Variants in OR6C4 observed in about 807,000 individuals in gnomAD.
OR6C4 encodes the protein olfactory receptor 6C4.
OR6C4 carries 20 observed loss-of-function variants against 15.1 expected under a neutral mutation model. The observed-to-expected ratio is 1.32, with a 90% CI of 0.93 to 1.92. The LOEUF (loss-of-function observed/expected upper bound fraction) is 1.92. Ranked by LOEUF, OR6C4 falls within the 30% of genes most tolerant of loss-of-function variation. The probability of loss-of-function intolerance (pLI) is 0.00; values close to 1 mark genes in which losing one functional copy is unlikely to be tolerated. For synonymous variants in OR6C4, 179 were observed against 134.2 expected (o/e 1.33, Z -2.31); for missense variants, 491 against 363.2 (o/e 1.35, Z -2.86).
rs764047230 is a variant in OR6C4 at position 55,551,778 on chromosome 12, G to T, written c.552G>T (p.Glu184Asp). ...ACTGTGACTATGGGCCTCTCGTGGA[G>T]CTTGCCTGCTCAGACACAAGCCTCT... ...HYYCDYGPLV[E>D]LACSDTSLLE... Residue 184 changes from glutamate to aspartate, a missense_variant, in exon 2 of 2, where the codon GAG becomes GAT. Coordinates refer to ENST00000641569, the MANE Select transcript of OR6C4 (RefSeq NM_001005494.2). 3.1e-6 allele frequency: 5 copies of T among 1,612,658 alleles called. No homozygotes were observed. The highest frequency in any genetic ancestry group is 4.2e-6 in the Non-Finnish European group (5 of 1,179,940).
rs1873963152 is a variant in OR6C4, at chr12:55,554,458, A to C, written c.*2302A>C. The stretch of plus-strand genomic sequence containing the variant: ...CATATTCTTCTAAAGCTGTTCATCT[A>C]GTCTGGCTGTATGTTAATTCATACT... On this transcript the variant is annotated 3_prime_UTR_variant, in exon 2 of 2. Transcript: ENST00000641569. The C allele has an allele frequency of 6.6e-6, 1 of 152,168 alleles. No individual in the cohort carries two copies. The highest frequency in any genetic ancestry group is 6.5e-5 in the Admixed American group (1 of 15,276). 9.4% of individuals were successfully genotyped at this position (152,168 alleles called of 1,614,324 possible). A position where few individuals can be genotyped will look rare whatever the true frequency, so the allele number is the denominator to read the frequency against.
In OR6C4 at chr12:55,552,799, G is replaced by A. The variant is rs1055760359; in HGVS notation, c.*643G>A. On this transcript the variant is annotated 3_prime_UTR_variant, in exon 2 of 2. Transcript: ENST00000641569. ...TGAGGAGAAAATTTTTAAGATTTTT[G>A]TCAACTTAATATGTCCATTTTCTAG... The A allele has an allele frequency of 6.6e-6, 1 of 151,846 alleles. No individual in the cohort carries two copies. Among genetic ancestry groups the A allele is most frequent in the Non-Finnish European group, 1.5e-5 (1 of 67,940 alleles). The allele number at this position is 151,846 out of a possible 1,614,324, so 9.4% of individuals were successfully genotyped here.
At position 55,555,386 on chromosome 12, in the gene OR6C4, A is replaced by T. The variant is rs1873991040; in HGVS notation, c.*3230A>T. The T allele has an allele frequency of 6.6e-6, 1 of 152,206 alleles. No homozygotes were observed. Among genetic ancestry groups the T allele is most frequent in the African/African-American group, 2.4e-5 (1 of 41,460 alleles). 9.4% of individuals were successfully genotyped at this position (152,206 alleles called of 1,614,324 possible). ...CCCACTTACGAGTGAGAACATACTTATAAGTGAGAACATAGTTTTTGGTTT... is the reference window on the plus strand; with the variant it reads ...CCCACTTACGAGTGAGAACATACTTTTAAGTGAGAACATAGTTTTTGGTTT... On this transcript the variant is annotated 3_prime_UTR_variant, in exon 2 of 2. Coordinates refer to ENST00000641569, the MANE Select transcript of OR6C4 (RefSeq NM_001005494.2).
At position 55,549,636 on chromosome 12, in the gene OR6C4, A is replaced by T. The variant is rs1873802862; in HGVS notation, c.-501A>T. On this transcript the variant is annotated 5_prime_UTR_variant, in exon 1 of 2. Transcript: ENST00000641569. ...TCCTCTGCCATCTAAGAACTTCAAC[A>T]TAATCTCTCTTAGAACATAAATTTT... The T allele has an allele frequency of 6.6e-6, 1 of 152,174 alleles. No homozygotes were observed. Among genetic ancestry groups the T allele is most frequent in the Non-Finnish European group, 1.5e-5 (1 of 68,022 alleles). The allele number at this position is 152,174 out of a possible 1,614,324, so 9.4% of individuals were successfully genotyped here.
intron 1 of OR6C4, among the ~76,000 whole-genome samples, chr12:55,550,486 A>G (rs1293868587): frequency 1.3e-5 from 2 of 152,194 alleles, no homozygotes; most frequent in Non-Finnish European, 2.9e-5. Flanking sequence ...AGAAAAATCC[A>G]TTCCGTGATG....
In OR6C4 at chr12:55,552,893, T is replaced by C. The variant is rs2135868571; in HGVS notation, c.*737T>C. 1 of 152,250 alleles carries C rather than the reference T, an allele frequency of 6.6e-6. No homozygotes were observed. Among genetic ancestry groups the C allele is most frequent in the South Asian group, 2.1e-4 (1 of 4,826 alleles). 9.4% of individuals were successfully genotyped at this position (152,250 alleles called of 1,614,324 possible). A position where few individuals can be genotyped will look rare whatever the true frequency, so the allele number is the denominator to read the frequency against. ...TCATTCTCCTAGACAAAATCTATTG[T>C]TTCTTTTCTTAGGTGACATTTTAAG... On this transcript the variant is annotated 3_prime_UTR_variant, in exon 2 of 2. Transcript: ENST00000641569.
rs761759827 is a variant in OR6C4 at position 55,552,904 on chromosome 12, AG to A, written c.*750del. On this transcript the variant is annotated 3_prime_UTR_variant, in exon 2 of 2. Coordinates refer to ENST00000641569, the MANE Select transcript of OR6C4 (RefSeq NM_001005494.2). ...GACAAAATCTATTGTTTCTTTTCTT[AG>A]GTGACATTTTAAGTTAATGGCATGA... is the stretch of plus-strand genomic sequence containing the variant. 1.3e-5 allele frequency: 2 copies of A among 152,084 alleles called. No individual in the cohort carries two copies. Among genetic ancestry groups the A allele is most frequent in the Non-Finnish European group, 2.9e-5 (2 of 67,966 alleles). 9.4% of individuals were successfully genotyped at this position (152,084 alleles called of 1,614,324 possible). A position where few individuals can be genotyped will look rare whatever the true frequency, so the allele number is the denominator to read the frequency against.
At position 55,553,569 on chromosome 12, in the gene OR6C4, C is replaced by G. The variant is rs755114694; in HGVS notation, c.*1413C>G. 2 of 152,100 alleles carry G rather than the reference C, an allele frequency of 1.3e-5. No homozygotes were observed. Among genetic ancestry groups the G allele is most frequent in the Non-Finnish European group, 2.9e-5 (2 of 68,016 alleles). The allele number at this position is 152,100 out of a possible 1,614,324, so 9.4% of individuals were successfully genotyped here. ...TATTTTATGTAAAGCTGTTGCTATT[C>G]TGAGTATCTTGTTTTCTTTGGTTGC... On this transcript the variant is annotated 3_prime_UTR_variant, in exon 2 of 2. Transcript: ENST00000641569.
At position 55,554,855 on chromosome 12, in the gene OR6C4, T is replaced by C. The variant is rs1411868179; in HGVS notation, c.*2699T>C. On this transcript the variant is annotated 3_prime_UTR_variant, in exon 2 of 2. Transcript: ENST00000641569. ...AAATAAAATTCAAAACAATAAAATA[T>C]ATTTTTTAATTTTTTTTATTTCAGC... The C allele has an allele frequency of 1.3e-5, 2 of 152,186 alleles. No homozygotes were observed. The highest frequency in any genetic ancestry group is 1.9e-4 in the East Asian group (1 of 5,198). 9.4% of individuals were successfully genotyped at this position (152,186 alleles called of 1,614,324 possible). A position where few individuals can be genotyped will look rare whatever the true frequency, so the allele number is the denominator to read the frequency against.
In OR6C4 at chr12:55,551,878, T is replaced by A. The variant is rs1873880021; in HGVS notation, c.652T>A (p.Tyr218Asn). The A allele has an allele frequency of 6.2e-7, 1 of 1,613,684 alleles. No homozygotes were observed. Among genetic ancestry groups the A allele is most frequent in the African/African-American group, 1.3e-5 (1 of 74,896 alleles). Residue 218 changes from tyrosine (Y) to asparagine (N), a missense_variant, in exon 2 of 2, where the codon TAC (tyrosine) becomes AAC (asparagine). Physicochemically the swap from Tyr to Asn is moderately radical, Grantham distance 143. Transcript: ENST00000641569. Reference sequence around the variant, plus strand: ...GGTGCTGGTGACACTTTCTTACACATACATTATCAGGACTATTCTGAGGAT... The same window carrying A: ...GGTGCTGGTGACACTTTCTTACACAAACATTATCAGGACTATTCTGAGGAT... ...TLVLVTLSYT[Y>N]IIRTILRIPS...
rs746848635 is a variant in OR6C4, at chr12:55,551,663, C to T, written c.437C>T (p.Ser146Phe). 9.9e-6 allele frequency: 16 copies of T among 1,613,804 alleles called. No homozygotes were observed. Among genetic ancestry groups the T allele is most frequent in the Non-Finnish European group, 1.4e-5 (16 of 1,179,900 alleles). ...SRVCIQLVFC[S>F]WLGGFLAILP... ...GTCTGCATACAACTAGTGTTCTGCT[C>T]CTGGTTGGGGGGATTCCTAGCAATC... The change falls in exon 2 of 2, where the codon TCC becomes TTC. Residue 146 changes from serine to phenylalanine, a missense_variant. Ser to Phe is a radical substitution (Grantham distance 155, BLOSUM62 -2). Transcript: ENST00000641569.
rs1873860860 is a variant in OR6C4, at chr12:55,551,542, G to A, written c.316G>A (p.Gly106Arg). 1 of 1,613,820 alleles carries A rather than the reference G, an allele frequency of 6.2e-7. No individual in the cohort carries two copies. Among genetic ancestry groups the A allele is most frequent in the Non-Finnish European group, 8.5e-7 (1 of 1,179,912 alleles). The change falls in exon 2 of 2, where the codon GGA becomes AGA. Residue 106 changes from glycine to arginine, a missense_variant. By Grantham distance (125) the Gly-to-Arg change is moderately radical. Transcript: ENST00000641569. ...TCAGTATTTTTTTGCTATATTTCTTGGAGCTACCGAGTTTTACCTCCTGGC... is the reference window on the plus strand; with the variant it reads ...TCAGTATTTTTTTGCTATATTTCTTAGAGCTACCGAGTTTTACCTCCTGGC... ...LTQYFFAIFLGATEFYLLASM... is the reference protein window; with the variant it reads ...LTQYFFAIFLRATEFYLLASM...
Position 55,555,472 on chromosome 12 carries a change from A to T in OR6C4, c.*3316A>T, listed in dbSNP as rs1433173858. On this transcript the variant is annotated 3_prime_UTR_variant, in exon 2 of 2. Transcript: ENST00000641569. ...TCCAGCTCCATCCAAACTGCTGCAA[A>T]ATACATTCTTTTGTTCCTTTCCAGG... 1 of 152,130 alleles carries T rather than the reference A, an allele frequency of 6.6e-6. No individual in the cohort carries two copies. The highest frequency in any genetic ancestry group is 1.5e-5 in the Non-Finnish European group (1 of 68,028). The allele number at this position is 152,130 out of a possible 1,614,324, so 9.4% of individuals were successfully genotyped here. A position where few individuals can be genotyped will look rare whatever the true frequency, so the allele number is the denominator to read the frequency against.
chr12:55,549,850 C>T lies in OR6C4; in HGVS notation c.-287C>T, dbSNP rs1873810170. 1 of 152,056 alleles carries T rather than the reference C, an allele frequency of 6.6e-6. No individual in the cohort carries two copies. The highest frequency in any genetic ancestry group is 6.6e-5 in the Admixed American group (1 of 15,256). 9.4% of individuals were successfully genotyped at this position (152,056 alleles called of 1,614,324 possible). A position where few individuals can be genotyped will look rare whatever the true frequency, so the allele number is the denominator to read the frequency against. On this transcript the variant is annotated 5_prime_UTR_variant, in exon 1 of 2. Coordinates refer to ENST00000641569, the MANE Select transcript of OR6C4 (RefSeq NM_001005494.2). ...TTAAGTTCCATAAGTTTGGATACTT[C>T]TATTAAGAGAAAGGTAAAATGTGGA... is the stretch of plus-strand genomic sequence containing the variant.
rs1873852519 is a variant in OR6C4, at chr12:55,551,363, T to A, written c.137T>A (p.Leu46His). Residue 46 changes from leucine (L) to histidine (H), a missense_variant, in exon 2 of 2, where the codon CTC (leucine) becomes CAC (histidine). Coordinates refer to ENST00000641569, the MANE Select transcript of OR6C4 (RefSeq NM_001005494.2). ...CTAGGAAATCTGACTATTATCACCC[T>A]CACCTTACTAGACCCCCACCTCCAG... ...SILGNLTIITLTLLDPHLQTP... is the reference protein window; with the variant it reads ...SILGNLTIITHTLLDPHLQTP... The A allele has an allele frequency of 1.2e-6, 2 of 1,613,856 alleles. No individual in the cohort carries two copies. Among genetic ancestry groups the A allele is most frequent in the Non-Finnish European group, 8.5e-7 (1 of 1,179,834 alleles).
chr12:55,551,156 C>A (rs1873842682), intron 1 of OR6C4, 53 bp from the exon 2 acceptor site: 3 of 1,101,808 alleles, frequency 2.7e-6, no homozygotes, highest in Non-Finnish European at 2.7e-6. Context: ...AGCTTTATGT[C>A]TCCTACTCTA....
At position 55,550,003 on chromosome 12, in the gene OR6C4, G is replaced by T. The variant is rs1316155592; in HGVS notation, c.-134G>T. On this transcript the variant is annotated 5_prime_UTR_variant, in exon 1 of 2. Transcript: ENST00000641569. Reference sequence around the variant, plus strand: ...ACTATAGTCATTCAGGTTGTCAAAGGTATGAGCAACATATGTTTTTAAAGT... The same window carrying T: ...ACTATAGTCATTCAGGTTGTCAAAGTTATGAGCAACATATGTTTTTAAAGT... 1.3e-5 allele frequency: 2 copies of T among 152,226 alleles called. No individual in the cohort carries two copies. Among genetic ancestry groups the T allele is most frequent in the Non-Finnish European group, 2.9e-5 (2 of 68,010 alleles). The allele number at this position is 152,226 out of a possible 1,614,324, so 9.4% of individuals were successfully genotyped here. A position where few individuals can be genotyped will look rare whatever the true frequency, so the allele number is the denominator to read the frequency against.
chr12:55,551,723 T>G lies in OR6C4; in HGVS notation c.497T>G (p.Phe166Cys), dbSNP rs1020881551. ...PPIILMTQVD[F>C]CVSNILNHYY... Reference sequence around the variant, plus strand: ...ATCATCCTGATGACCCAGGTAGATTTCTGTGTCTCCAACATTCTGAATCAC... The same window carrying G: ...ATCATCCTGATGACCCAGGTAGATTGCTGTGTCTCCAACATTCTGAATCAC... Residue 166 changes from phenylalanine (F) to cysteine (C), a missense_variant, in exon 2 of 2, where the codon TTC becomes TGC. Coordinates refer to ENST00000641569, the MANE Select transcript of OR6C4 (RefSeq NM_001005494.2). The G allele has an allele frequency of 1.4e-5, 23 of 1,613,928 alleles. No individual in the cohort carries two copies. The East Asian group carries it at 5.1e-4, about 36-fold the overall frequency.
In OR6C4 at chr12:55,553,477, C is replaced by A. The variant is rs1384838542; in HGVS notation, c.*1321C>A. 1 of 152,060 alleles carries A rather than the reference C, an allele frequency of 6.6e-6. No individual in the cohort carries two copies. The highest frequency in any genetic ancestry group is 1.9e-4 in the East Asian group (1 of 5,192). 9.4% of individuals were successfully genotyped at this position (152,060 alleles called of 1,614,324 possible). A position where few individuals can be genotyped will look rare whatever the true frequency, so the allele number is the denominator to read the frequency against. ...CATTTAAGGAACAAGCTGGATTGAA[C>A]TGATTATGAGAGCAAATTATCAGAG... On this transcript the variant is annotated 3_prime_UTR_variant, in exon 2 of 2. Transcript: ENST00000641569.
Sources: gnomAD v4.1 joint callset for allele counts (sites outside exome capture counted in the v4.1 genomes callset) on GRCh38, gnomAD v4.1.1 for gene constraint, MANE v1.5 for transcripts, NCBI Gene and HGNC (gene_info 2026-07-23, HGNC 2026-07-21) for gene names.